The following SIGLEC9 variants were observed in gnomAD, a reference collection of about 807,000 sequenced individuals.
SIGLEC9 encodes the protein sialic acid-binding Ig-like lectin 9.
In SIGLEC9, 26 loss-of-function variants were observed where a neutral mutation model predicts 38.3. The observed-to-expected ratio is 0.68, with a 90% CI of 0.50 to 0.94. The LOEUF (loss-of-function observed/expected upper bound fraction) is 0.94, where lower values mean the gene tolerates loss of function less well. Ranked by LOEUF, SIGLEC9 falls within the 40% of genes least tolerant of loss-of-function variation. The pLI is 0.00. For synonymous variants in SIGLEC9, 236 were observed against 248.0 expected, an observed-to-expected ratio of 0.95 and a Z score of 0.45; for missense variants, 556 against 585.7, an observed-to-expected ratio of 0.95 and a Z score of 0.52.
downstream of SIGLEC9, among the ~76,000 whole-genome samples, chr19:51,131,372 G>T (rs1239798537): frequency 6.6e-6 from 1 of 152,036 alleles, no homozygotes; most frequent in African/African-American, 2.4e-5. Context: ...CAGATCACGA[G>T]GTCAGGAGAT....
chr19:51,121,441 T>C (rs780437772), upstream of SIGLEC9, among the ~76,000 whole-genome samples: 10 of 152,072 alleles, frequency 6.6e-5, no homozygotes, highest in Non-Finnish European at 1.2e-4. Flanking sequence ...GATGCAGCAC[T>C]TCCTCCAAAT....
chr19:51,131,617 G>A (rs117706066), downstream of SIGLEC9, among the ~76,000 whole-genome samples: 21,651 of 149,162 alleles, frequency 0.15, 1,755 homozygotes, highest in East Asian at 0.25. Context: ...AAATAAATAA[G>A]TAAAAAATCA....
At chr19:51,135,769 T>A (rs2092038235) in intron 6 of SIGLEC9, among the ~76,000 whole-genome samples, 1 of 152,120 alleles carries the variant, frequency 6.6e-6, no homozygotes, top group Non-Finnish European at 1.5e-5. Context: ...TTGTCATTTT[T>A]TTTAATTCTT....
At chr19:51,132,849 TGAAG>T (rs1211259986), downstream of SIGLEC9, among the ~76,000 whole-genome samples, 4 of 152,182 alleles carry the variant, frequency 2.6e-5, no homozygotes, top group African/African-American at 9.6e-5. Flanking sequence ...AAGGCCCAAA[TGAAG>T]GAAGAAATAT....
In SIGLEC9 at chr19:51,129,905, A is replaced by T; in HGVS notation, c.1218A>T (p.Glu406Asp). The T allele has an allele frequency of 6.3e-7, 1 of 1,598,502 alleles. No homozygotes were observed. Among genetic ancestry groups the T allele is most frequent in the South Asian group, 1.1e-5 (1 of 89,034 alleles). Residue 406 changes from glutamate to aspartate, a missense_variant, in exon 7 of 7, where the codon GAA becomes GAT. Glu to Asp is a conservative substitution (Grantham distance 45). Coordinates refer to ENST00000250360, the MANE Select transcript of SIGLEC9 (RefSeq NM_014441.3). ...RGSASQGPLT[E>D]PWAEDSPPDQ... ...CCATGTCTCAGGGGCCCCTGACTGAACCTTGGGCAGAAGACAGTCCCCCAG... is the reference window on the plus strand; with the variant it reads ...CCATGTCTCAGGGGCCCCTGACTGATCCTTGGGCAGAAGACAGTCCCCCAG...
intron 3 of SIGLEC9, among the ~76,000 whole-genome samples, 196 bp downstream of exon 3, chr19:51,126,324 A>AC (rs903721897): frequency 1.9e-4 from 24 of 129,626 alleles, no homozygotes; most frequent in South Asian, 8.1e-4. Context: ...TCCCCCACAC[A>AC]CCCCCCCCTC....
chr19:51,124,363 C>T (rs988359715), upstream of SIGLEC9, among the ~76,000 whole-genome samples: 1 of 152,112 alleles, frequency 6.6e-6, no homozygotes, highest in South Asian at 2.1e-4. Flanking sequence ...CTGCCTGTGC[C>T]CCCCAACTGA....
upstream of SIGLEC9, among the ~76,000 whole-genome samples, chr19:51,123,420 AC>A (rs1158190231): frequency 1.3e-5 from 2 of 152,322 alleles, no homozygotes; most frequent in African/African-American, 4.8e-5. Context: ...TCAGATGTGG[AC>A]ACCCAGCCCT....
rs1348417828 is a variant in SIGLEC9, at chr19:51,127,306, C to G, written c.1015+10C>G. 6.2e-7 allele frequency: 1 copy of G among 1,601,434 alleles called. No homozygotes were observed. The highest frequency in any genetic ancestry group is 1.1e-5 in the South Asian group (1 of 90,028). On this transcript the variant is annotated intron_variant, in intron 4 of 6. Transcript: ENST00000250360. ...AACGTCTCCCTGCAGAGTGAGTGCA[C>G]CAGTATGCTGGGGAGGGGCTGGAGA...
At chr19:51,127,347 T>A in intron 4 of SIGLEC9, 51 bp downstream of exon 4, 1 of 1,527,618 alleles carries the variant, frequency 6.5e-7, no homozygotes, top group Non-Finnish European at 8.8e-7. Flanking sequence ...ACACACCTCC[T>A]CCACCCTTAG....
chr19:51,134,412 A>C (rs139977607), downstream of SIGLEC9, among the ~76,000 whole-genome samples: 3,286 of 151,944 alleles, frequency 0.022, 119 homozygotes, highest in African/African-American at 0.074. Context: ...CCACCTCTGC[A>C]TCCCAAAGTG....
intron 3 of SIGLEC9, among the ~76,000 whole-genome samples, chr19:51,126,363 A>C (rs1193787520): frequency 6.6e-6 from 1 of 150,962 alleles, no homozygotes; most frequent in Non-Finnish European, 1.5e-5. Context: ...GGTGGCATTC[A>C]CACAGCAGGA....
upstream of SIGLEC9, among the ~76,000 whole-genome samples, chr19:51,121,921 CCCCAGCCT>C (rs2091950982): frequency 6.6e-6 from 1 of 151,866 alleles, no homozygotes; most frequent in African/African-American, 2.4e-5. Flanking sequence ...CCATGCCCCT[CCCCAGCCT>C]CCCATCTTCC....
At chr19:51,132,608 C>T (rs2092022310), downstream of SIGLEC9, among the ~76,000 whole-genome samples, 1 of 152,166 alleles carries the variant, frequency 6.6e-6, no homozygotes. Context: ...ACTTGGCGGA[C>T]GGATTCTGGG....
intron 5 of SIGLEC9, 77 bp downstream of exon 5, chr19:51,128,116 G>C: frequency 8.4e-7 from 1 of 1,190,180 alleles, no homozygotes; most frequent in Non-Finnish European, 1.2e-6. Flanking sequence ...CCTGAAGCCA[G>C]AGCTGGAGGG....
chr19:51,127,471 G>C (rs975219045), intron 4 of SIGLEC9, among the ~76,000 whole-genome samples, 175 bp downstream of exon 4: 2 of 152,038 alleles, frequency 1.3e-5, no homozygotes, highest in African/African-American at 4.8e-5. Context: ...TGCCAGGGAA[G>C]GGTTGTGGGG....
At position 51,127,957 on chromosome 19, in the gene SIGLEC9, AC is replaced by A; in HGVS notation, c.1025del (p.Thr342AsnfsTer4). 6.2e-7 allele frequency: 1 copy of A among 1,612,088 alleles called. No individual in the cohort carries two copies. The highest frequency in any genetic ancestry group is 8.5e-7 in the Non-Finnish European group (1 of 1,178,532). On this transcript the variant is annotated frameshift_variant, in exon 5 of 7. Coordinates refer to ENST00000250360, the MANE Select transcript of SIGLEC9 (RefSeq NM_014441.3). LOFTEE classifies it high-confidence loss of function. Reference sequence around the variant, plus strand: ...CTCCCATCTGTCAACAGGCAAAGCCACATCAGGAGTGACTCAGGGGGTGGTC... The same window carrying A: ...CTCCCATCTGTCAACAGGCAAAGCCAATCAGGAGTGACTCAGGGGGTGGTC... The part of the protein sequence containing the change: ...YLNVSLQSKA[T>X]SGVTQGVVGG...
At chr19:51,126,933 T>C in intron 3 of SIGLEC9, 97 bp from the exon 4 acceptor site, 2 of 1,087,872 alleles carry the variant, frequency 1.8e-6, no homozygotes, top group South Asian at 1.4e-5. Flanking sequence ...CTTCAGTCTA[T>C]GTCTGTGTGT....
chr19:51,132,626 T>G (rs1350688800), downstream of SIGLEC9, among the ~76,000 whole-genome samples: 1 of 152,182 alleles, frequency 6.6e-6, no homozygotes, highest in African/African-American at 2.4e-5. Flanking sequence ...GGGGCGGCAC[T>G]CTTTCAGAGA....
Sources: allele counts gnomAD v4.1 joint callset (sites outside exome capture counted in the v4.1 genomes callset), GRCh38; gene constraint gnomAD v4.1.1; transcripts MANE v1.5; gene names NCBI Gene and HGNC (gene_info 2026-07-23, HGNC 2026-07-21).